Variants in MPP3 observed in about 807,000 individuals in gnomAD.
MPP3 encodes the protein MAGUK p55 subfamily member 3.
MPP3 carries 48 observed loss-of-function variants against 80.7 expected under a neutral mutation model. The observed-to-expected ratio is 0.59, with a 90% CI of 0.47 to 0.76. The LOEUF is 0.76. Among genes scored for constraint, MPP3 ranks in the 30% least tolerant of loss-of-function variants. MPP3 has a pLI of 0.00. For missense variants in MPP3, 620 were observed against 763.0 expected, an observed-to-expected ratio of 0.81 and a Z score of 2.21; for synonymous variants, 311 against 297.6, an observed-to-expected ratio of 1.04 and a Z score of -0.46.
chr17:43,831,364 A>G, intron 4 of MPP3, 43 bp from the exon 5 acceptor site: 1 of 1,587,394 alleles, frequency 6.3e-7, no homozygotes, highest in South Asian at 1.1e-5. Flanking sequence ...GACACCACAC[A>G]TCCCACCCAC....
intron 15 of MPP3, 41 bp downstream of exon 15, chr17:43,814,156 G>A (rs1381837278): frequency 6.2e-7 from 1 of 1,608,082 alleles, no homozygotes; most frequent in Admixed American, 1.7e-5. Context: ...GCTCCAGGGA[G>A]GAAACCAGAT....
intron 13 of MPP3, among the ~76,000 whole-genome samples, 161 bp downstream of exon 13, chr17:43,816,516 T>C (rs1460386445): frequency 1.3e-5 from 2 of 152,144 alleles, no homozygotes; most frequent in East Asian, 1.9e-4. Context: ...TTTGCCTGCC[T>C]CAAGGAACAG....
At chr17:43,812,797 C>T (rs1483006829) in intron 16 of MPP3, among the ~76,000 whole-genome samples, 1 of 152,204 alleles carries the variant, frequency 6.6e-6, no homozygotes, top group East Asian at 1.9e-4. Flanking sequence ...CTCTGCATGT[C>T]CTGTTTCAGT....
chr17:43,831,481 T>C, intron 4 of MPP3, 78 bp downstream of exon 4: 1 of 1,331,942 alleles, frequency 7.5e-7, no homozygotes, highest in East Asian at 2.3e-5. Flanking sequence ...GGGAGATGAC[T>C]AGGATGACCT....
chr17:43,825,921 G>A, intron 8 of MPP3, 80 bp from the exon 9 acceptor site: 1 of 901,622 alleles, frequency 1.1e-6, no homozygotes, highest in Non-Finnish European at 1.8e-6. Context: ...CACCACAGGG[G>A]CCGGCCTGAG....
intron 5 of MPP3, among the ~76,000 whole-genome samples, chr17:43,830,441 T>C (rs1262856940): frequency 6.6e-6 from 1 of 152,176 alleles, no homozygotes; most frequent in Non-Finnish European, 1.5e-5. Context: ...AGATTAAACA[T>C]TTTGCCCGAA....
At chr17:43,814,132 C>T (rs1356096168) in intron 15 of MPP3, 41 bp from the exon 16 acceptor site, 3 of 1,603,260 alleles carry the variant, frequency 1.9e-6, no homozygotes, top group Non-Finnish European at 8.5e-7. Flanking sequence ...CCCTGCTGAG[C>T]TCCCTCCCCA....
chr17:43,816,777 C>G, intron 12 of MPP3, 80 bp from the exon 13 acceptor site: 1 of 1,409,370 alleles, frequency 7.1e-7, no homozygotes, highest in Non-Finnish European at 9.8e-7. Flanking sequence ...AGCCACGGCC[C>G]GAGTGCCTGA....
At chr17:43,809,706 C>T (rs576609537) in intron 18 of MPP3, among the ~76,000 whole-genome samples, 3 of 152,062 alleles carry the variant, frequency 2.0e-5, no homozygotes, top group South Asian at 2.1e-4. Flanking sequence ...GGTGAAACCC[C>T]GTCTCTACTA....
chr17:43,824,218 T>C (rs867390023), intron 9 of MPP3, among the ~76,000 whole-genome samples: 24 of 152,218 alleles, frequency 1.6e-4, no homozygotes, highest in African/African-American at 5.5e-4. Flanking sequence ...TTAGTATTTT[T>C]ATTATTTTTA....
At chr17:43,831,759 C>A in intron 3 of MPP3, 82 bp from the exon 4 acceptor site, 1 of 1,427,686 alleles carries the variant, frequency 7.0e-7, no homozygotes, top group South Asian at 1.3e-5. Flanking sequence ...GGGCCTCAAA[C>A]AGCACTTCAG....
chr17:43,824,200 T>C (rs1792350720), intron 9 of MPP3, among the ~76,000 whole-genome samples, 195 bp from the exon 10 acceptor site: 1 of 152,222 alleles, frequency 6.6e-6, no homozygotes, highest in Non-Finnish European at 1.5e-5. Flanking sequence ...TGTACATTTT[T>C]GTATTTTTTA....
intron 6 of MPP3, 97 bp from the exon 7 acceptor site, chr17:43,829,888 C>T (rs879823637): frequency 1.9e-5 from 30 of 1,580,098 alleles, no homozygotes; most frequent in Non-Finnish European, 2.6e-5. Context: ...AGACGCCATG[C>T]CAGAGAGACA....
chr17:43,810,854 C>A lies in MPP3; in HGVS notation c.1411G>T (p.Ala471Ser). The A allele has an allele frequency of 6.2e-7, 1 of 1,611,984 alleles. No individual in the cohort carries two copies. The highest frequency in any genetic ancestry group is 1.3e-5 in the African/African-American group (1 of 74,946). The change falls in exon 18 of 20, where the codon GCT becomes TCT. Residue 471 changes from alanine (A) to serine (S), a missense_variant. By Grantham distance (99) the Ala-to-Ser change is moderately conservative. Coordinates refer to ENST00000398389, the MANE Select transcript of MPP3 (RefSeq NM_001932.6). ...LYGTSLEAIQ[A>S]VMAKNKVCLV... ...CAAACTTTGTTTTTGGCCATAACAGCCTGAATGGCCTCCAGGCTGGTTCCA... is the reference window on the plus strand; with the variant it reads ...CAAACTTTGTTTTTGGCCATAACAGACTGAATGGCCTCCAGGCTGGTTCCA...
rs1226364009 is a variant in MPP3, at chr17:43,801,710, C to T, written c.1749G>A (p.Trp583Ter). ...SKDTHWVPVS[W>*]VR is the part of the protein sequence containing the mutation. Reference sequence around the variant, plus strand: ...ATGTTCTGGGATAAAGTTACCTGACCCAACTAACAGGTACCCAGTGAGTGT... The same window carrying T: ...ATGTTCTGGGATAAAGTTACCTGACTCAACTAACAGGTACCCAGTGAGTGT... Residue 583 changes from tryptophan (W) to a stop codon, truncating the protein, a stop_gained, in exon 20 of 20, where the codon TGG (tryptophan) becomes TGA (stop). Transcript: ENST00000398389. LOFTEE classifies it high-confidence loss of function. 1 of 1,613,824 alleles carries T rather than the reference C, an allele frequency of 6.2e-7. No homozygotes were observed. Among genetic ancestry groups the T allele is most frequent in the African/African-American group, 1.3e-5 (1 of 74,892 alleles).
chr17:43,821,246 A>G (rs1832111971), intron 10 of MPP3, among the ~76,000 whole-genome samples, 188 bp from the exon 11 acceptor site: 1 of 152,224 alleles, frequency 6.6e-6, no homozygotes, highest in African/African-American at 2.4e-5. Context: ...TTGGGATACT[A>G]TAGTCAGGAA....
chr17:43,823,192 T>G lies in MPP3; in HGVS notation c.684+739A>C, dbSNP rs200671219. On this transcript the variant is annotated intron_variant, in intron 10 of 19. Transcript: ENST00000398389. Reference sequence around the variant, plus strand: ...TAAGAGGCCCCACACTAAGCAAGGATTATGCCAAAACCCTTAACAAGGCAT... The same window carrying G: ...TAAGAGGCCCCACACTAAGCAAGGAGTATGCCAAAACCCTTAACAAGGCAT... Among the ~76,000 whole-genome samples, 6 of 152,220 alleles carry G rather than the reference T, an allele frequency of 3.9e-5. No individual in the cohort carries two copies. In the East Asian group the frequency reaches 1.2e-3, roughly 29 times the overall value.
intron 6 of MPP3, 100 bp downstream of exon 6, chr17:43,829,927 C>G (rs747202821): frequency 1.2e-5 from 18 of 1,524,800 alleles, no homozygotes; most frequent in Non-Finnish European, 1.6e-5. Context: ...CTGAGGATCG[C>G]TCCCTCAGTC....
At chr17:43,818,230 C>T (rs2045251023) in intron 11 of MPP3, 120 bp from the exon 12 acceptor site, 1 of 785,264 alleles carries the variant, frequency 1.3e-6, no homozygotes, top group Non-Finnish European at 1.9e-6. Flanking sequence ...ACACACTGGA[C>T]ACTCTGAGGG....
Sources: gnomAD v4.1 joint callset for allele counts (sites outside exome capture counted in the v4.1 genomes callset) on GRCh38, gnomAD v4.1.1 for gene constraint, MANE v1.5 for transcripts, NCBI Gene and HGNC (gene_info 2026-07-23, HGNC 2026-07-21) for gene names.